LHPP: variants seen among roughly 807,000 people sequenced by gnomAD.
The protein encoded by LHPP is hLHPP.
A neutral mutation model predicts 30.3 loss-of-function variants in LHPP; 24 were observed. The observed-to-expected ratio is 0.79, with a 90% CI of 0.57 to 1.11. LHPP has a LOEUF of 1.11. LHPP is among the 50% of genes most tolerant of loss of function. The pLI is 0.00. For missense variants in LHPP, 356 were observed against 367.2 expected, an observed-to-expected ratio of 0.97 and a Z score of 0.25; for synonymous variants, 150 against 157.1, an observed-to-expected ratio of 0.95 and a Z score of 0.34.
rs142247472 is a variant in LHPP at position 124,517,707 on chromosome 10, T to C, written c.716+436T>C. Among the ~76,000 whole-genome samples the C allele has an allele frequency of 6.2e-3, 949 of 152,340 alleles. 3 individuals carry two copies. Among genetic ancestry groups the C allele is most frequent in the Non-Finnish European group, 0.01 (690 of 68,028 alleles). On this transcript the variant is annotated intron_variant, in intron 6 of 6. Coordinates refer to ENST00000368842, the MANE Select transcript of LHPP (RefSeq NM_022126.4). The surrounding 1 kb of genome is among the most constrained non-coding windows in gnomAD (Gnocchi z 4.1). The stretch of plus-strand genomic sequence containing the variant: ...TCCACTCTGTAAGACACAGAGAGCC[T>C]GGAGACGACAGAGGGTTGCTCAGGC...
chr10:124,498,338 T>C (rs751993007), intron 5 of LHPP: 2 of 1,572,476 alleles, frequency 1.3e-6, no homozygotes, highest in Non-Finnish European at 1.7e-6. Context: ...TTACTTTCAG[T>C]ATGAAAGCAA....
intron 6 of LHPP, among the ~76,000 whole-genome samples, chr10:124,574,219 A>G (rs1192317075): frequency 6.6e-6 from 1 of 152,198 alleles, no homozygotes; most frequent in Non-Finnish European, 1.5e-5. Flanking sequence ...GTCGTTTTTG[A>G]CATATGGATC....
At chr10:124,600,844 C>T (rs1949011801) in intron 6 of LHPP, among the ~76,000 whole-genome samples, 1 of 152,242 alleles carries the variant, frequency 6.6e-6, no homozygotes, top group South Asian at 2.1e-4. Context: ...AGGAGGCTGC[C>T]TGCTTGTGTG....
intron 1 of LHPP, among the ~76,000 whole-genome samples, chr10:124,475,622 C>T (rs921586747): frequency 1.3e-5 from 2 of 152,174 alleles, no homozygotes; most frequent in African/African-American, 4.8e-5. Flanking sequence ...CCTCATTTTA[C>T]AGGTGAGGAA....
chr10:124,612,032 A>G lies in LHPP; in HGVS notation c.717-1232A>G, dbSNP rs377405186. ...CCTCTGTGGGTGCAAGGCTGTGGGG[A>G]GGGGCCTTCTGGCTCACAGCCCTCC... On this transcript the variant is annotated intron_variant, in intron 6 of 6. Coordinates refer to ENST00000368842, the MANE Select transcript of LHPP (RefSeq NM_022126.4). 1.1e-4 allele frequency among the ~76,000 whole-genome samples: 17 copies of G among 152,218 alleles called. 1 individual carries two copies. Among genetic ancestry groups the G allele is most frequent in the African/African-American group, 4.1e-4 (17 of 41,534 alleles).
At chr10:124,485,409 A>C (rs1953294315) in intron 2 of LHPP, among the ~76,000 whole-genome samples, 1 of 151,962 alleles carries the variant, frequency 6.6e-6, no homozygotes, top group Non-Finnish European at 1.5e-5. Flanking sequence ...AGCAGACGGC[A>C]AAGCTGGGAG....
At chr10:124,583,051 G>C (rs954104643) in intron 6 of LHPP, among the ~76,000 whole-genome samples, 2 of 152,112 alleles carry the variant, frequency 1.3e-5, no homozygotes, top group Non-Finnish European at 2.9e-5. Flanking sequence ...TTCAAACCCA[G>C]TTGTTAAGGG....
intron 6 of LHPP, among the ~76,000 whole-genome samples, chr10:124,531,648 C>A (rs1027991145): frequency 6.6e-6 from 1 of 152,232 alleles, no homozygotes. Context: ...ACCCAAGTTA[C>A]GCGTTTGGGG....
At chr10:124,557,351 C>T (rs1254754959) in intron 6 of LHPP, among the ~76,000 whole-genome samples, 4 of 152,200 alleles carry the variant, frequency 2.6e-5, no homozygotes, top group African/African-American at 9.6e-5. Flanking sequence ...GCCTGGCACT[C>T]AGTAGTGCTC....
At chr10:124,527,768 T>A (rs1459656917) in intron 6 of LHPP, among the ~76,000 whole-genome samples, 22 of 116,460 alleles carry the variant, frequency 1.9e-4, no homozygotes, top group Admixed American at 1.8e-3. Flanking sequence ...GTGATCTCTT[T>A]GTGCTTTTTT....
At chr10:124,603,783 CCCA>C (rs1949058046) in intron 6 of LHPP, among the ~76,000 whole-genome samples, 1 of 152,146 alleles carries the variant, frequency 6.6e-6, no homozygotes, top group African/African-American at 2.4e-5. Flanking sequence ...CTGGAGGGTC[CCCA>C]CGCTGGGCTC....
At chr10:124,508,459 T>C (rs976465060) in intron 5 of LHPP, among the ~76,000 whole-genome samples, 5 of 152,184 alleles carry the variant, frequency 3.3e-5, no homozygotes, top group African/African-American at 1.2e-4. Context: ...GCCCTGCAGC[T>C]GTGGGTCTGA....
chr10:124,530,245 T>A (rs1169471891), intron 6 of LHPP, among the ~76,000 whole-genome samples: 1 of 151,878 alleles, frequency 6.6e-6, no homozygotes, highest in Non-Finnish European at 1.5e-5. Context: ...CGTCCCAGCC[T>A]GGTGGACCTC....
In LHPP at chr10:124,488,484, G is replaced by A. The variant is rs200710743; in HGVS notation, c.376G>A (p.Ala126Thr). The change falls in exon 3 of 7, where the codon GCA becomes ACA. Residue 126 changes from alanine (A) to threonine (T), a missense_variant. By Grantham distance (58) the Ala-to-Thr change is moderately conservative (BLOSUM62 0). Coordinates refer to ENST00000368842, the MANE Select transcript of LHPP (RefSeq NM_022126.4). Reference sequence around the variant, plus strand: ...CCCAAACTGTGTGGTAATTGCAGACGCAGGAGAAAGCTTTTCTTATCAAAA... The same window carrying A: ...CCCAAACTGTGTGGTAATTGCAGACACAGGAGAAAGCTTTTCTTATCAAAA... ...SNPNCVVIAD[A>T]GESFSYQNMN... 2.2e-5 allele frequency: 35 copies of A among 1,613,818 alleles called. No homozygotes were observed. Among genetic ancestry groups the A allele is most frequent in the Admixed American group, 1.2e-4 (7 of 59,956 alleles).
At chr10:124,515,461 G>C (rs1157076366) in intron 5 of LHPP, among the ~76,000 whole-genome samples, 1 of 152,156 alleles carries the variant, frequency 6.6e-6, no homozygotes, top group Non-Finnish European at 1.5e-5. Flanking sequence ...TTCTGGCTCA[G>C]TTTGGATAAA....
chr10:124,570,061 G>GA (rs1948559146), intron 6 of LHPP, among the ~76,000 whole-genome samples: 2 of 152,276 alleles, frequency 1.3e-5, no homozygotes, highest in South Asian at 4.1e-4. Flanking sequence ...CTTCTACTGG[G>GA]AAAAACTGTG....
intron 6 of LHPP, among the ~76,000 whole-genome samples, chr10:124,612,288 C>T (rs1448770744): frequency 2.6e-5 from 4 of 152,144 alleles, no homozygotes; most frequent in Non-Finnish European, 1.5e-5. Flanking sequence ...TGCCTGTAGT[C>T]CCAGCTACTC....
At chr10:124,520,758 C>T (rs540384303) in intron 6 of LHPP, among the ~76,000 whole-genome samples, 284 of 152,312 alleles carry the variant, frequency 1.9e-3, no homozygotes, top group African/African-American at 6.7e-3. Flanking sequence ...ATTGGTGACT[C>T]TCTGGAGCTG....
At chr10:124,467,460 G>T (rs1952586142) in intron 1 of LHPP, among the ~76,000 whole-genome samples, 1 of 151,420 alleles carries the variant, frequency 6.6e-6, no homozygotes, top group Non-Finnish European at 1.5e-5. Flanking sequence ...CTGGCCTGGT[G>T]TTTGGCACAC....
Sources: allele counts gnomAD v4.1 joint callset (sites outside exome capture counted in the v4.1 genomes callset), GRCh38; gene constraint gnomAD v4.1.1; non-coding constraint Gnocchi (gnomAD v3.1); transcripts MANE v1.5; gene names NCBI Gene and HGNC (gene_info 2026-07-23, HGNC 2026-07-21).